Variants in SGCZ observed in about 807,000 individuals in gnomAD.
The protein encoded by SGCZ is sarcoglycan zeta, also known as zeta-sarcoglycan.
SGCZ carries 40 observed loss-of-function variants against 41.3 expected under a neutral mutation model. The ratio of observed to expected loss-of-function variants is 0.97; its 90% CI spans 0.75 to 1.26. The LOEUF (loss-of-function observed/expected upper bound fraction) is 1.26. Among genes scored for constraint, SGCZ ranks in the 50% most tolerant of loss-of-function variants. The probability of loss-of-function intolerance (pLI) is 0.00; values close to 1 mark genes in which losing one functional copy is unlikely to be tolerated. For missense variants in SGCZ, 552 were observed against 369.8 expected (o/e 1.49, Z -4.04); for synonymous variants, 206 against 137.5 (o/e 1.50, Z -3.49).
intron 1 of SGCZ, among the ~76,000 whole-genome samples, chr8:14,822,355 A>T (rs908603459): frequency 6.6e-6 from 1 of 152,220 alleles, no homozygotes; most frequent in Non-Finnish European, 1.5e-5. Flanking sequence ...ATTAAGTGTA[A>T]AGATATTCCA....
chr8:14,458,708 C>T (rs1800818077), intron 2 of SGCZ, among the ~76,000 whole-genome samples: 1 of 151,834 alleles, frequency 6.6e-6, no homozygotes, highest in Non-Finnish European at 1.5e-5. Flanking sequence ...TATATATCTA[C>T]CTACCTACCT....
intron 2 of SGCZ, among the ~76,000 whole-genome samples, chr8:14,375,430 G>A (rs539877399): frequency 4.6e-5 from 7 of 152,172 alleles, no homozygotes; most frequent in Admixed American, 6.5e-5. Flanking sequence ...ATAATTATTA[G>A]GAAGGTTGAC....
At chr8:14,924,285 G>A (rs1799677909) in intron 1 of SGCZ, among the ~76,000 whole-genome samples, 1 of 152,244 alleles carries the variant, frequency 6.6e-6, no homozygotes, top group African/African-American at 2.4e-5. Flanking sequence ...GTATAGAAAT[G>A]AAGTTTTTCA....
At chr8:15,195,764 C>G (rs1418509774) in intron 1 of SGCZ, among the ~76,000 whole-genome samples, 1 of 152,122 alleles carries the variant, frequency 6.6e-6, no homozygotes, top group Non-Finnish European at 1.5e-5. Context: ...AAACTTACCT[C>G]CCACATTTCA....
chr8:14,775,229 G>A (rs1800365954), intron 1 of SGCZ, among the ~76,000 whole-genome samples: 1 of 152,062 alleles, frequency 6.6e-6, no homozygotes, highest in Admixed American at 6.6e-5. Flanking sequence ...GTTGTTTCCA[G>A]ACCACCCTTT....
At position 14,650,800 on chromosome 8, in the gene SGCZ, C is replaced by G. The variant is rs1385603309; in HGVS notation, c.40-95874G>C. ...ACCTACTCCGGCTCGTTCATTATCA[C>G]AGTAATATTACATTATAACAAATGT... On this transcript the variant is annotated intron_variant, in intron 1 of 7. Coordinates refer to ENST00000382080, the MANE Select transcript of SGCZ (RefSeq NM_139167.4). 2.0e-5 allele frequency among the ~76,000 whole-genome samples: 3 copies of G among 151,958 alleles called. No individual in the cohort carries two copies. The East Asian group carries it at 5.8e-4, about 29-fold the overall frequency.
intron 3 of SGCZ, among the ~76,000 whole-genome samples, chr8:14,296,165 G>T (rs1306869144): frequency 6.6e-6 from 1 of 152,142 alleles, no homozygotes; most frequent in African/African-American, 2.4e-5. Flanking sequence ...AGATCTATCT[G>T]ATCTGGCAGG....
At chr8:14,166,069 T>G (rs1269898765) in intron 4 of SGCZ, among the ~76,000 whole-genome samples, 4 of 152,154 alleles carry the variant, frequency 2.6e-5, no homozygotes, top group African/African-American at 9.7e-5. Flanking sequence ...TTTTTTTTAA[T>G]ATTCTGAAAC....
chr8:14,971,037 G>A (rs1327624920), intron 1 of SGCZ, among the ~76,000 whole-genome samples: 1 of 152,006 alleles, frequency 6.6e-6, no homozygotes, highest in Admixed American at 6.6e-5. Context: ...TATTTTTGAT[G>A]CTTTTGTGAA....
intron 1 of SGCZ, among the ~76,000 whole-genome samples, chr8:14,580,832 G>T (rs62498440): frequency 6.6e-6 from 1 of 152,104 alleles, no homozygotes. Context: ...TGGAGAGATG[G>T]AGGGAGCCTT....
At chr8:14,257,235 G>A (rs968199776) in intron 3 of SGCZ, among the ~76,000 whole-genome samples, 13 of 151,916 alleles carry the variant, frequency 8.6e-5, no homozygotes, top group African/African-American at 3.1e-4. Context: ...GCTGAGATGG[G>A]AGGATCACTT....
chr8:14,293,075 A>T (rs144240840), intron 3 of SGCZ, among the ~76,000 whole-genome samples: 44 of 152,140 alleles, frequency 2.9e-4, no homozygotes, highest in African/African-American at 9.9e-4. Context: ...TTGACCCTAC[A>T]AATTTTTCAA....
chr8:14,473,949 A>AAG (rs1322749863), intron 2 of SGCZ, among the ~76,000 whole-genome samples: 1 of 151,762 alleles, frequency 6.6e-6, no homozygotes, highest in East Asian at 1.9e-4. Context: ...AAAAAAAAAA[A>AAG]AAAGTTTTTA....
chr8:14,253,599 T>C (rs1445410351), intron 3 of SGCZ, among the ~76,000 whole-genome samples: 2 of 152,100 alleles, frequency 1.3e-5, no homozygotes, highest in Non-Finnish European at 2.9e-5. Context: ...TGTAAAGAGA[T>C]ATAGTTCATT....
intron 4 of SGCZ, among the ~76,000 whole-genome samples, chr8:14,220,576 A>C (rs1806157839): frequency 6.6e-6 from 1 of 151,952 alleles, no homozygotes; most frequent in Admixed American, 6.6e-5. Flanking sequence ...ATAAGATAAT[A>C]AAACCCCAGC....
At chr8:14,970,722 A>G (rs1801264504) in intron 1 of SGCZ, among the ~76,000 whole-genome samples, 1 of 152,158 alleles carries the variant, frequency 6.6e-6, no homozygotes, top group Non-Finnish European at 1.5e-5. Context: ...GAGTCTTGAT[A>G]TCAGAGAGTC....
intron 1 of SGCZ, among the ~76,000 whole-genome samples, chr8:15,175,491 C>T (rs578232815): frequency 1.3e-5 from 2 of 152,100 alleles, no homozygotes; most frequent in South Asian, 4.2e-4. Flanking sequence ...ATGATGAGAA[C>T]ACATAGACAC....
intron 2 of SGCZ, among the ~76,000 whole-genome samples, chr8:14,394,024 T>C (rs574748646): frequency 6.6e-6 from 1 of 152,278 alleles, no homozygotes; most frequent in Admixed American, 6.5e-5. Context: ...ACTGTTAATA[T>C]ATCCTTAAAT....
intron 1 of SGCZ, among the ~76,000 whole-genome samples, chr8:14,591,375 A>G (rs1247515943): frequency 6.6e-6 from 1 of 152,036 alleles, no homozygotes; most frequent in Non-Finnish European, 1.5e-5. Context: ...TATTAATCTT[A>G]TATTTCACAT....
Sources: gnomAD v4.1 joint callset for allele counts (sites outside exome capture counted in the v4.1 genomes callset) on GRCh38, gnomAD v4.1.1 for gene constraint, MANE v1.5 for transcripts, NCBI Gene and HGNC (gene_info 2026-07-23, HGNC 2026-07-21) for gene names.